Variants in PCDHGA10 observed in about 807,000 individuals in gnomAD.
PCDHGA10 encodes the protein protocadherin gamma subfamily A, 10, also known as protocadherin gamma-A10.
In PCDHGA10, 42 loss-of-function variants were observed where a neutral mutation model predicts 59.5. The ratio of observed to expected loss-of-function variants is 0.71; its 90% CI spans 0.55 to 0.91. The LOEUF (loss-of-function observed/expected upper bound fraction) is 0.91. Ranked by LOEUF, PCDHGA10 falls within the 40% of genes least tolerant of loss-of-function variation. The pLI, the probability that PCDHGA10 is intolerant of heterozygous loss-of-function variation, is 0.00. For synonymous variants in PCDHGA10, 511 were observed against 517.2 expected (o/e 0.99, Z 0.16); for missense variants, 1,111 against 1,198.2 (o/e 0.93, Z 1.07).
chr5:141,433,305 C>T, intron 1 of PCDHGA10: 1 of 931,032 alleles, frequency 1.1e-6, no homozygotes, highest in Non-Finnish European at 1.6e-6. Flanking sequence ...GCAATTATCC[C>T]ACCTTTGCCT....
intron 1 of PCDHGA10, among the ~76,000 whole-genome samples, chr5:141,435,395 C>T (rs946113643): frequency 5.3e-5 from 8 of 152,198 alleles, no homozygotes; most frequent in East Asian, 3.9e-4. Context: ...ATTGCCATGA[C>T]GAAAAATGGT....
chr5:141,511,117 G>A lies in PCDHGA10; in HGVS notation c.2755G>A (p.Ala919Thr). Residue 919 changes from alanine to threonine, a missense_variant, in exon 4 of 4, where the codon GCC becomes ACC. Physicochemically the swap from Ala to Thr is moderately conservative, Grantham distance 58. Coordinates refer to ENST00000398610, the MANE Select transcript of PCDHGA10 (RefSeq NM_018913.3). ...TNAAGKRDGK[A>T]PAGGNGNKKK... ...CGCAGCTGGCAAGCGGGATGGCAAG[G>A]CCCCAGCAGGTGGCAATGGCAACAA... 6.2e-7 allele frequency: 1 copy of A among 1,614,216 alleles called. No homozygotes were observed. Among genetic ancestry groups the A allele is most frequent in the Non-Finnish European group, 8.5e-7 (1 of 1,180,026 alleles).
intron 1 of PCDHGA10, among the ~76,000 whole-genome samples, chr5:141,467,486 T>A (rs985186472): frequency 6.6e-6 from 1 of 152,242 alleles, no homozygotes; most frequent in Non-Finnish European, 1.5e-5. Flanking sequence ...GGTTTCCACA[T>A]TTAGATCCCT....
chr5:141,430,997 C>T, intron 1 of PCDHGA10: 1 of 1,613,926 alleles, frequency 6.2e-7, no homozygotes, highest in Non-Finnish European at 8.5e-7. Context: ...CCTGAATCCG[C>T]GCAGCGGCAG....
At chr5:141,422,480 G>A in intron 1 of PCDHGA10, 2 of 1,613,906 alleles carry the variant, frequency 1.2e-6, no homozygotes, top group South Asian at 2.2e-5. Flanking sequence ...TTGGTCCAGA[G>A]CTACAATATA....
Position 141,414,135 on chromosome 5 carries a change from A to G in PCDHGA10, c.960A>G (p.Glu320=). 6.3e-7 allele frequency: 1 copy of G among 1,595,504 alleles called. No individual in the cohort carries two copies. Among genetic ancestry groups the G allele is most frequent in the Non-Finnish European group, 8.5e-7 (1 of 1,170,578 alleles). The change falls in exon 1 of 4, where the codon GAA becomes GAG. Residue 320 remains glutamate (E), a synonymous_variant. Transcript: ENST00000398610. ...ATTATGAAGAAACCGGTTTCTATGA[A>G]ATAGAAATACAAGCAGAAGATGGAG... ...NLDYEETGFY[E]IEIQAEDGGA... is the part of the protein sequence containing the mutation.
At chr5:141,466,201 T>C (rs985163022) in intron 1 of PCDHGA10, among the ~76,000 whole-genome samples, 1 of 152,006 alleles carries the variant, frequency 6.6e-6, no homozygotes, top group African/African-American at 2.4e-5. Context: ...GACACAGCCT[T>C]GCTCTGTTAC....
At chr5:141,499,212 G>A (rs904920940) in intron 2 of PCDHGA10, among the ~76,000 whole-genome samples, 1 of 151,898 alleles carries the variant, frequency 6.6e-6, no homozygotes, top group African/African-American at 2.4e-5. Context: ...TGTAACCCAG[G>A]CCCTGCCCTG....
chr5:141,502,634 T>C (rs1306951640), intron 2 of PCDHGA10, among the ~76,000 whole-genome samples: 1 of 152,228 alleles, frequency 6.6e-6, no homozygotes. Flanking sequence ...CTGTGGATGA[T>C]ACTTTGAGAT....
Position 141,415,503 on chromosome 5 carries a change from G to A in PCDHGA10, c.2328G>A (p.Gln776=), listed in dbSNP as rs1354902623. The change falls in exon 1 of 4, where the codon CAG becomes CAA. Residue 776 remains glutamine (Q), a synonymous_variant. Coordinates refer to ENST00000398610, the MANE Select transcript of PCDHGA10 (RefSeq NM_018913.3). ...GAAAGAGTCACCTGATCTTCCCCCA[G>A]CCCAATTATGCGGACACGCTCATCA... ...DSRKSHLIFP[Q]PNYADTLISQ... is the part of the protein sequence containing the mutation. The A allele has an allele frequency of 6.2e-7, 1 of 1,614,212 alleles. No homozygotes were observed.
At chr5:141,430,945 C>G (rs1466092130) in intron 1 of PCDHGA10, 1 of 1,609,234 alleles carries the variant, frequency 6.2e-7, no homozygotes, top group Non-Finnish European at 8.5e-7. Context: ...TCGCGGAGCG[C>G]GGAGTCCGCA....
intron 1 of PCDHGA10, chr5:141,419,710 C>T: frequency 6.2e-7 from 1 of 1,613,168 alleles, no homozygotes; most frequent in South Asian, 1.1e-5. Context: ...CCGGGCTCTT[C>T]AGCCTGGGGC....
intron 1 of PCDHGA10, among the ~76,000 whole-genome samples, chr5:141,473,033 G>A (rs1199215390): frequency 1.4e-5 from 2 of 146,282 alleles, no homozygotes. Flanking sequence ...AAGGAAGGAA[G>A]GAAAGAAAGA....
chr5:141,436,713 G>T (rs2097842329), intron 1 of PCDHGA10, among the ~76,000 whole-genome samples: 1 of 152,190 alleles, frequency 6.6e-6, no homozygotes, highest in Non-Finnish European at 1.5e-5. Context: ...TCGATGTTCT[G>T]TTGGGAAAAA....
chr5:141,447,824 G>T (rs926580893), intron 1 of PCDHGA10, among the ~76,000 whole-genome samples: 2 of 152,034 alleles, frequency 1.3e-5, no homozygotes, highest in Non-Finnish European at 2.9e-5. Context: ...GGTGGCTCAC[G>T]CCTGTAATCC....
At chr5:141,478,584 T>G in intron 1 of PCDHGA10, 1 of 1,577,982 alleles carries the variant, frequency 6.3e-7, no homozygotes, top group Non-Finnish European at 8.6e-7. Flanking sequence ...CTGTTAGTGC[T>G]TTTTTATTCC....
rs756476818 is a variant in PCDHGA10 at position 141,431,027 on chromosome 5, A to G, written c.2436+15416A>G. The G allele has an allele frequency of 6.2e-6, 10 of 1,614,034 alleles. No homozygotes were observed. The highest frequency in any genetic ancestry group is 1.1e-5 in the South Asian group (1 of 91,078). On this transcript the variant is annotated intron_variant, in intron 1 of 3. Coordinates refer to ENST00000398610, the MANE Select transcript of PCDHGA10 (RefSeq NM_018913.3). This position sits in a 1 kb window ranked among gnomAD's most constrained non-coding sequence, Gnocchi z 4.8. ...CGGCAGCTTGGTCACGGCGGGCAGG[A>G]TAGACCGGGAGGAGCTCTGTATGGG...
In PCDHGA10 at chr5:141,512,501, G is replaced by A. The variant is rs1474842711; in HGVS notation, c.*1328G>A. The A allele has an allele frequency of 6.5e-6, 1 of 152,914 alleles. No homozygotes were observed. The highest frequency in any genetic ancestry group is 1.5e-5 in the Non-Finnish European group (1 of 68,258). The allele number at this position is 152,914 out of a possible 1,614,324, so 9.5% of individuals were successfully genotyped here. On this transcript the variant is annotated 3_prime_UTR_variant, in exon 4 of 4. Transcript: ENST00000398610. The stretch of plus-strand genomic sequence containing the variant: ...GAAGGCCACTGCCCAGGTCCCCAGT[G>A]CGCCCCCTAGTGGCCATAGCCTGGT...
rs767107885 is a variant in PCDHGA10, at chr5:141,423,138, C to T, written c.2436+7527C>T. ...CAGCGCGGGCACTGCTGGACAGAGA[C>T]GCGCTCAAGCAGAGCCTCGTGGTGG... On this transcript the variant is annotated intron_variant, in intron 1 of 3. Transcript: ENST00000398610. 2.5e-6 allele frequency: 4 copies of T among 1,613,606 alleles called. 1 individual carries two copies. The highest frequency in any genetic ancestry group is 3.4e-6 in the Non-Finnish European group (4 of 1,179,912).
Sources: allele counts gnomAD v4.1 joint callset (sites outside exome capture counted in the v4.1 genomes callset), GRCh38; gene constraint gnomAD v4.1.1; non-coding constraint Gnocchi (gnomAD v3.1); transcripts MANE v1.5; gene names NCBI Gene and HGNC (gene_info 2026-07-23, HGNC 2026-07-21).